The following ATP8A2 variants were observed in gnomAD, a reference collection of about 807,000 sequenced individuals.
ATP8A2 encodes ATPase phospholipid transporting 8A2, also known as phospholipid-transporting ATPase IB.
ATP8A2 carries 100 observed loss-of-function variants against 165.6 expected under a neutral mutation model. The observed-to-expected ratio is 0.60, with a 90% CI of 0.51 to 0.71. The LOEUF (loss-of-function observed/expected upper bound fraction) is 0.71. Among genes scored for constraint, ATP8A2 ranks in the 30% least tolerant of loss-of-function variants. The pLI is 0.00. For missense variants in ATP8A2, 1,227 were observed against 1,479.5 expected (o/e 0.83, Z 2.80); for synonymous variants, 543 against 548.8 (o/e 0.99, Z 0.15).
intron 35 of ATP8A2, among the ~76,000 whole-genome samples, chr13:26,006,197 T>C (rs371434649): frequency 7.9e-5 from 12 of 152,018 alleles, no homozygotes; most frequent in African/African-American, 2.9e-4. Flanking sequence ...TTTTCAGAAG[T>C]GTTTTATAGT....
chr13:25,615,400 A>C (rs1330926875), intron 24 of ATP8A2, among the ~76,000 whole-genome samples: 2 of 152,070 alleles, frequency 1.3e-5, no homozygotes, highest in Non-Finnish European at 2.9e-5. Flanking sequence ...TATGTCCCCC[A>C]AATGGCACTA....
chr13:25,805,603 G>A (rs1307816913), intron 27 of ATP8A2, among the ~76,000 whole-genome samples: 1 of 152,172 alleles, frequency 6.6e-6, no homozygotes, highest in Non-Finnish European at 1.5e-5. Flanking sequence ...CTCAAAAGCA[G>A]AGCTTGCTTT....
intron 2 of ATP8A2, among the ~76,000 whole-genome samples, chr13:25,510,317 T>C (rs1253880996): frequency 6.6e-6 from 1 of 152,128 alleles, no homozygotes; most frequent in Non-Finnish European, 1.5e-5. Context: ...CCTTGGGCTA[T>C]TGGCTCAGAA....
intron 33 of ATP8A2, among the ~76,000 whole-genome samples, chr13:25,924,179 A>G (rs930662015): frequency 6.6e-6 from 1 of 152,150 alleles, no homozygotes; most frequent in Non-Finnish European, 1.5e-5. Context: ...AACAAGAACA[A>G]TTAATGCAGT....
At chr13:25,630,748 G>A (rs748493916) in intron 24 of ATP8A2, among the ~76,000 whole-genome samples, 4 of 152,026 alleles carry the variant, frequency 2.6e-5, no homozygotes, top group Non-Finnish European at 5.9e-5. Flanking sequence ...TGTTGACTGC[G>A]AACCTGAGCA....
At chr13:25,628,514 A>G (rs911242117) in intron 24 of ATP8A2, among the ~76,000 whole-genome samples, 2 of 152,174 alleles carry the variant, frequency 1.3e-5, no homozygotes, top group African/African-American at 2.4e-5. Flanking sequence ...CTAACTCAGG[A>G]CAACACTGCC....
intron 28 of ATP8A2, among the ~76,000 whole-genome samples, chr13:25,832,897 T>C (rs910103606): frequency 3.3e-5 from 5 of 152,180 alleles, no homozygotes; most frequent in Non-Finnish European, 5.9e-5. Context: ...CGTATACACA[T>C]ATGCTCACAG....
At chr13:25,824,561 T>C (rs548016937) in intron 27 of ATP8A2, among the ~76,000 whole-genome samples, 11 of 152,164 alleles carry the variant, frequency 7.2e-5, no homozygotes, top group Non-Finnish European at 1.5e-4. Context: ...GGATTCCAAG[T>C]TGTCTTGGAG....
chr13:25,914,774 G>A (rs1025205163), intron 33 of ATP8A2, among the ~76,000 whole-genome samples: 22 of 152,316 alleles, frequency 1.4e-4, no homozygotes, highest in Admixed American at 1.0e-3. Flanking sequence ...GAGGGGCTTC[G>A]CAGTGCTCCC....
At chr13:25,559,440 G>T (rs568448152) in intron 14 of ATP8A2, among the ~76,000 whole-genome samples, 73 of 152,348 alleles carry the variant, frequency 4.8e-4, no homozygotes, top group African/African-American at 1.5e-3. Context: ...GCTGAGGCAG[G>T]AGAATCGCTT....
chr13:25,411,997 C>T (rs536890022), intron 1 of ATP8A2, among the ~76,000 whole-genome samples: 2 of 152,278 alleles, frequency 1.3e-5, no homozygotes, highest in East Asian at 1.9e-4. Context: ...TCTCTTCCTG[C>T]GTCAGACCTG....
rs1297925793 is a variant in ATP8A2, at chr13:26,023,889, C to CAGG, written c.*3905_*3907dup. 6.6e-6 allele frequency: 1 copy of CAGG among 152,106 alleles called. No individual in the cohort carries two copies. Among genetic ancestry groups the CAGG allele is most frequent in the Non-Finnish European group, 1.5e-5 (1 of 68,024 alleles). The allele number at this position is 152,106 out of a possible 1,614,324, so 9.4% of individuals were successfully genotyped here. A position where few individuals can be genotyped will look rare whatever the true frequency, so the allele number is the denominator to read the frequency against. The stretch of plus-strand genomic sequence containing the variant: ...CCTGGGATCCATAAAAAAATGTGAA[C>CAGG]AGGGAAATGGTGGCTAAGCAGAGCC... On this transcript the variant is annotated 3_prime_UTR_variant, in exon 37 of 37. Coordinates refer to ENST00000381655, the MANE Select transcript of ATP8A2 (RefSeq NM_016529.6).
chr13:25,401,557 C>CTT (rs551993807), intron 1 of ATP8A2, among the ~76,000 whole-genome samples: 10 of 151,638 alleles, frequency 6.6e-5, no homozygotes, highest in Admixed American at 5.3e-4. Flanking sequence ...TCAAGCTGTT[C>CTT]TTTTTTTTAG....
At chr13:25,831,150 A>G (rs976781336) in intron 28 of ATP8A2, among the ~76,000 whole-genome samples, 4 of 150,922 alleles carry the variant, frequency 2.7e-5, no homozygotes, top group Non-Finnish European at 5.9e-5. Context: ...TTTCTTCTAA[A>G]TGTACTCTTT....
At chr13:25,474,463 G>T (rs1270744363) in intron 2 of ATP8A2, among the ~76,000 whole-genome samples, 1 of 151,830 alleles carries the variant, frequency 6.6e-6, no homozygotes, top group Non-Finnish European at 1.5e-5. Flanking sequence ...TCGGGAGGTT[G>T]AGGCAGGAGA....
At chr13:26,011,274 G>A (rs1409317475) in intron 35 of ATP8A2, among the ~76,000 whole-genome samples, 3 of 152,150 alleles carry the variant, frequency 2.0e-5, no homozygotes, top group East Asian at 3.9e-4. Context: ...GGTTTCTCAT[G>A]CGAGCACTCT....
At chr13:25,545,033 G>T (rs1162649781) in intron 10 of ATP8A2, among the ~76,000 whole-genome samples, 1 of 151,398 alleles carries the variant, frequency 6.6e-6, no homozygotes, top group African/African-American at 2.4e-5. Flanking sequence ...GTCTACTGGC[G>T]CACCGTCTGC....
In ATP8A2 at chr13:25,571,595, A is replaced by G. The variant is rs1299742187; in HGVS notation, c.1580-15A>G. 6.2e-7 allele frequency: 1 copy of G among 1,605,874 alleles called. No homozygotes were observed. The highest frequency in any genetic ancestry group is 8.5e-7 in the Non-Finnish European group (1 of 1,173,938). On this transcript the variant is annotated splice_polypyrimidine_tract_variant and intron_variant, in intron 17 of 36. Transcript: ENST00000381655. ...CCAGTGATATGTCAATGTTTCACCAACTCCCACTTGACAGATGAAGCTGCT... is the reference window on the plus strand; with the variant it reads ...CCAGTGATATGTCAATGTTTCACCAGCTCCCACTTGACAGATGAAGCTGCT...
intron 24 of ATP8A2, among the ~76,000 whole-genome samples, chr13:25,646,585 G>A (rs922870252): frequency 1.0e-4 from 15 of 150,034 alleles, no homozygotes; most frequent in African/African-American, 3.7e-4. Context: ...AACCTGGAAG[G>A]TGGAGGTTGC....
Sources: allele counts gnomAD v4.1 joint callset (sites outside exome capture counted in the v4.1 genomes callset), GRCh38; gene constraint gnomAD v4.1.1; transcripts MANE v1.5; gene names NCBI Gene and HGNC (gene_info 2026-07-23, HGNC 2026-07-21).